Variants in WDR7 observed in about 807,000 individuals in gnomAD.
The protein encoded by WDR7 is WD repeat domain 7.
In WDR7, 46 loss-of-function variants were observed where a neutral mutation model predicts 169.4. The ratio of observed to expected loss-of-function variants is 0.27; its 90% CI spans 0.21 to 0.35. The LOEUF (loss-of-function observed/expected upper bound fraction) is 0.35. WDR7 is among the 10% of genes least tolerant of loss of function. WDR7 has a pLI of 1.00. For missense variants in WDR7, 1,534 were observed against 1,859.3 expected (o/e 0.83, Z 3.22); for synonymous variants, 612 against 666.8 (o/e 0.92, Z 1.27).
Position 57,028,928 on chromosome 18 carries a change from T to G in WDR7, c.*1721T>G, listed in dbSNP as rs2048407224. 2 of 152,700 alleles carry G rather than the reference T, an allele frequency of 1.3e-5. No homozygotes were observed. 9.5% of individuals were successfully genotyped at this position (152,700 alleles called of 1,614,324 possible). A position where few individuals can be genotyped will look rare whatever the true frequency, so the allele number is the denominator to read the frequency against. On this transcript the variant is annotated 3_prime_UTR_variant, in exon 28 of 28. Transcript: ENST00000254442. ...GGAAGAAACAAAGACCTATACAGTT[T>G]AGACTTTATTTGTTTGGTGAACGTG...
intron 14 of WDR7, among the ~76,000 whole-genome samples, chr18:56,754,291 G>GTGTGTGTGTGTATA (rs2043843172): frequency 6.9e-6 from 1 of 144,358 alleles, no homozygotes; most frequent in African/African-American, 2.5e-5. Flanking sequence ...GTGTGTATAT[G>GTGTGTGTGTGTATA]TGTGTGTGTG....
intron 20 of WDR7, among the ~76,000 whole-genome samples, chr18:56,839,195 A>G: frequency 6.6e-6 from 1 of 152,158 alleles, no homozygotes; most frequent in South Asian, 2.1e-4. Flanking sequence ...TGATACCTGT[A>G]TACAATGTAT....
intron 21 of WDR7, among the ~76,000 whole-genome samples, chr18:56,917,108 A>G (rs1443658569): frequency 6.6e-6 from 1 of 152,072 alleles, no homozygotes; most frequent in African/African-American, 2.4e-5. Context: ...GAGACAGGAG[A>G]ATCACTTGAA....
intron 14 of WDR7, among the ~76,000 whole-genome samples, chr18:56,752,199 A>C (rs2043804665): frequency 6.6e-6 from 1 of 152,186 alleles, no homozygotes; most frequent in Non-Finnish European, 1.5e-5. Context: ...GATTCTGAGA[A>C]AAATACTGCT....
chr18:56,958,129 A>G lies in WDR7; in HGVS notation c.4065-4301A>G, dbSNP rs546821682. ...AAACTCAGGTACTGAGTGTTTGGCA[A>G]ACTCCCAAGCAACATGGTGTGCTTC... On this transcript the variant is annotated intron_variant, in intron 25 of 27. Transcript: ENST00000254442. 5.9e-5 allele frequency among the ~76,000 whole-genome samples: 9 copies of G among 152,290 alleles called. No homozygotes were observed. In the East Asian group the frequency reaches 1.4e-3, roughly 23 times the overall value.
At chr18:56,896,138 T>A (rs953823012) in intron 21 of WDR7, among the ~76,000 whole-genome samples, 17 of 151,944 alleles carry the variant, frequency 1.1e-4, no homozygotes, top group African/African-American at 3.1e-4. Flanking sequence ...AAAAAATATG[T>A]AAGACTTATA....
At chr18:57,023,801 A>G (rs1221369642) in intron 27 of WDR7, among the ~76,000 whole-genome samples, 1 of 152,174 alleles carries the variant, frequency 6.6e-6, no homozygotes, top group East Asian at 1.9e-4. Context: ...TCTTACCACC[A>G]CTGTCCAGCA....
chr18:56,722,744 T>A (rs577505466), intron 13 of WDR7, among the ~76,000 whole-genome samples: 1 of 152,244 alleles, frequency 6.6e-6, no homozygotes, highest in African/African-American at 2.4e-5. Context: ...TGCTTACTAC[T>A]CCCTCCTCTC....
intron 26 of WDR7, among the ~76,000 whole-genome samples, chr18:56,990,817 TACA>T (rs2047801626): frequency 1.3e-5 from 2 of 152,216 alleles, no homozygotes; most frequent in African/African-American, 4.8e-5. Context: ...GTGCTCAGGC[TACA>T]CCAGCTGACT....
At chr18:56,736,501 T>C (rs1023172574) in intron 14 of WDR7, among the ~76,000 whole-genome samples, 3 of 151,336 alleles carry the variant, frequency 2.0e-5, no homozygotes, top group Non-Finnish European at 2.9e-5. Flanking sequence ...AATGCCTGTT[T>C]AGATATCAGG....
intron 26 of WDR7, among the ~76,000 whole-genome samples, chr18:56,975,108 G>A (rs1373746650): frequency 6.6e-6 from 1 of 152,106 alleles, no homozygotes; most frequent in Admixed American, 6.5e-5. Flanking sequence ...TGTGGTGGCG[G>A]GCGTCTAATC....
At chr18:56,687,157 T>A (rs961939562) in intron 7 of WDR7, among the ~76,000 whole-genome samples, 183 bp downstream of exon 7, 5 of 152,216 alleles carry the variant, frequency 3.3e-5, no homozygotes, top group African/African-American at 1.2e-4. Context: ...TGTCTTTTTT[T>A]GTTTGTGTTT....
chr18:56,821,851 T>C (rs2045103715), intron 20 of WDR7, among the ~76,000 whole-genome samples: 2 of 151,772 alleles, frequency 1.3e-5, no homozygotes, highest in South Asian at 4.2e-4. Context: ...AATTAAAAGT[T>C]AGCTAGGTGT....
At chr18:56,984,130 A>G (rs911126125) in intron 26 of WDR7, among the ~76,000 whole-genome samples, 22 of 152,180 alleles carry the variant, frequency 1.4e-4, no homozygotes, top group East Asian at 3.9e-4. Flanking sequence ...TCACTGTCCT[A>G]TTTTCTTCCA....
Position 56,938,641 on chromosome 18 carries a change from A to G in WDR7, c.3940A>G (p.Ile1314Val). 6.2e-7 allele frequency: 1 copy of G among 1,613,690 alleles called. No homozygotes were observed. The highest frequency in any genetic ancestry group is 8.5e-7 in the Non-Finnish European group (1 of 1,179,860). ...AATTTTGAGAGTCATTGAAATTCTTATTGAAAAGATGCCCACAGATGTTGT... is the reference window on the plus strand; with the variant it reads ...AATTTTGAGAGTCATTGAAATTCTTGTTGAAAAGATGCCCACAGATGTTGT... ...GEILRVIEIL[I>V]EKMPTDVVDL... The change falls in exon 24 of 28, where the codon ATT (isoleucine) becomes GTT (valine). Residue 1314 changes from isoleucine to valine, a missense_variant. By Grantham distance (29) the Ile-to-Val change is conservative. Coordinates refer to ENST00000254442, the MANE Select transcript of WDR7 (RefSeq NM_015285.3).
At chr18:56,938,810 T>A (rs1177098886) in intron 24 of WDR7, 128 bp downstream of exon 24, 2 of 632,876 alleles carry the variant, frequency 3.2e-6, no homozygotes, top group Non-Finnish European at 2.4e-6. Context: ...AAAGAATGAG[T>A]GTGTGTGTGT....
chr18:56,930,943 C>T (rs1769609894), intron 22 of WDR7, among the ~76,000 whole-genome samples: 1 of 152,174 alleles, frequency 6.6e-6, no homozygotes, highest in South Asian at 2.1e-4. Flanking sequence ...TTTTGAAATG[C>T]TTTCACCACG....
At chr18:56,931,325 A>G (rs1046892161) in intron 22 of WDR7, among the ~76,000 whole-genome samples, 1 of 152,224 alleles carries the variant, frequency 6.6e-6, no homozygotes, top group South Asian at 2.1e-4. Context: ...ATAGAATCTC[A>G]CATTAAAATA....
At chr18:56,691,426 C>G in intron 8 of WDR7, 65 bp downstream of exon 8, 1 of 1,476,158 alleles carries the variant, frequency 6.8e-7, no homozygotes, top group South Asian at 1.4e-5. Flanking sequence ...TAGGGTACAA[C>G]CTGACTTTAA....
Sources: allele counts gnomAD v4.1 joint callset (sites outside exome capture counted in the v4.1 genomes callset), GRCh38; gene constraint gnomAD v4.1.1; transcripts MANE v1.5; gene names NCBI Gene and HGNC (gene_info 2026-07-23, HGNC 2026-07-21).